FHAD1: variants seen among roughly 807,000 people sequenced by gnomAD.
FHAD1 encodes forkhead-associated domain-containing protein 1.
In FHAD1, 146 loss-of-function variants were observed where a neutral mutation model predicts 191.3. That is an observed-to-expected ratio of 0.76 (90% confidence interval 0.67 to 0.88). FHAD1 has a LOEUF of 0.88. Ranked by LOEUF, FHAD1 falls within the 40% of genes least tolerant of loss-of-function variation. FHAD1 has a pLI of 0.00. For missense variants in FHAD1, 1,635 were observed against 1,785.8 expected, an observed-to-expected ratio of 0.92 and a Z score of 1.52; for synonymous variants, 616 against 672.3, an observed-to-expected ratio of 0.92 and a Z score of 1.29.
chr1:15,241,141 G>A (rs1290473889), intron 1 of FHAD1, among the ~76,000 whole-genome samples: 3 of 152,062 alleles, frequency 2.0e-5, no homozygotes, highest in African/African-American at 7.2e-5. Flanking sequence ...GATAAATGTG[G>A]GTTGTTTTGA....
chr1:15,317,672 C>T (rs1231882887), intron 9 of FHAD1, among the ~76,000 whole-genome samples, 152 bp from the exon 10 acceptor site: 1 of 152,176 alleles, frequency 6.6e-6, no homozygotes, highest in Non-Finnish European at 1.5e-5. Flanking sequence ...TAAAACCTTC[C>T]TCCAGGAGAA....
At chr1:15,354,788 C>G (rs1324865757) in intron 20 of FHAD1, among the ~76,000 whole-genome samples, 1 of 152,106 alleles carries the variant, frequency 6.6e-6, no homozygotes, top group Non-Finnish European at 1.5e-5. Context: ...AAAAATAGAC[C>G]AACTGCTCGT....
chr1:15,271,567 C>G (rs1655997964), intron 2 of FHAD1, among the ~76,000 whole-genome samples: 1 of 152,008 alleles, frequency 6.6e-6, no homozygotes, highest in South Asian at 2.1e-4. Context: ...AGCGGGCCAT[C>G]TGTGGTTAGG....
At chr1:15,278,855 A>C (rs1306085385) in intron 3 of FHAD1, among the ~76,000 whole-genome samples, 1 of 152,226 alleles carries the variant, frequency 6.6e-6, no homozygotes, top group African/African-American at 2.4e-5. Context: ...ATATTGATAC[A>C]TCTGATAAAT....
downstream of FHAD1, among the ~76,000 whole-genome samples, chr1:15,398,928 C>G (rs1305181968): frequency 2.0e-5 from 3 of 152,002 alleles, no homozygotes; most frequent in East Asian, 5.8e-4. Flanking sequence ...TCAAGCCATT[C>G]TTCAGCCTCA....
At chr1:15,363,701 T>C (rs1480352040) in intron 23 of FHAD1, 3 of 455,244 alleles carry the variant, frequency 6.6e-6, no homozygotes, top group South Asian at 3.1e-5. Context: ...CTAAGTGACC[T>C]TAAATAAATG....
At chr1:15,330,973 G>A (rs1269111372) in intron 14 of FHAD1, among the ~76,000 whole-genome samples, 1 of 152,078 alleles carries the variant, frequency 6.6e-6, no homozygotes, top group Non-Finnish European at 1.5e-5. Flanking sequence ...GCCACCCTAG[G>A]GCAGGGTGGG....
intron 14 of FHAD1, among the ~76,000 whole-genome samples, chr1:15,336,858 A>G (rs1326923601): frequency 6.6e-6 from 1 of 152,104 alleles, no homozygotes; most frequent in African/African-American, 2.4e-5. Flanking sequence ...GAAACCCTTT[A>G]GGCGCTCTGC....
chr1:15,259,825 C>G (rs1245108529), intron 2 of FHAD1, among the ~76,000 whole-genome samples: 1 of 152,102 alleles, frequency 6.6e-6, no homozygotes, highest in African/African-American at 2.4e-5. Flanking sequence ...GCTGGAGCTG[C>G]CTCTTACAAG....
chr1:15,364,745 C>T (rs1208351271), intron 23 of FHAD1, among the ~76,000 whole-genome samples: 1 of 152,182 alleles, frequency 6.6e-6, no homozygotes, highest in Admixed American at 6.5e-5. Flanking sequence ...GGGCAAGACC[C>T]ACTCCCTGCA....
chr1:15,304,956 G>T lies in FHAD1; in HGVS notation c.915+3515G>T, dbSNP rs545141988. Among the ~76,000 whole-genome samples the T allele has an allele frequency of 2.2e-3, 337 of 151,186 alleles. 11 individuals carry two copies. The East Asian group carries it at 0.063, about 28-fold the overall frequency. Reference sequence around the variant, plus strand: ...GGGCACACCGTATCTGCATTGTCGGGGTCCCCCCCGACTCCCACCCTGTCA... The same window carrying T: ...GGGCACACCGTATCTGCATTGTCGGTGTCCCCCCCGACTCCCACCCTGTCA... On this transcript the variant is annotated intron_variant, in intron 6 of 33. Transcript: ENST00000688493.
chr1:15,241,957 G>A (rs899577350), intron 1 of FHAD1, among the ~76,000 whole-genome samples: 2 of 152,158 alleles, frequency 1.3e-5, no homozygotes, highest in African/African-American at 4.8e-5. Context: ...CAAAAAGGCC[G>A]GGTGCAGTGG....
At chr1:15,369,786 C>T (rs1454840049) in intron 26 of FHAD1, among the ~76,000 whole-genome samples, 3 of 152,148 alleles carry the variant, frequency 2.0e-5, no homozygotes, top group Admixed American at 6.5e-5. Context: ...GGTGTGGATT[C>T]GTTCCACCTG....
intron 33 of FHAD1, among the ~76,000 whole-genome samples, chr1:15,396,567 G>A (rs559495239): frequency 8.5e-5 from 13 of 152,276 alleles, no homozygotes; most frequent in African/African-American, 2.4e-4. Context: ...CTAGCACCGT[G>A]GGAGGCCAAG....
At chr1:15,287,754 A>G (rs1431780177) in intron 3 of FHAD1, among the ~76,000 whole-genome samples, 1 of 152,170 alleles carries the variant, frequency 6.6e-6, no homozygotes, top group Non-Finnish European at 1.5e-5. Context: ...AAAGAGCCTT[A>G]GGGGGAATGC....
In FHAD1 at chr1:15,383,641, C is replaced by T. The variant is rs1298140434; in HGVS notation, c.4188+1448C>T. On this transcript the variant is annotated intron_variant, in intron 31 of 33. Coordinates refer to ENST00000688493, the MANE Select transcript of FHAD1 (RefSeq NM_001391957.1). ...TCCTTCACTCTTGCCTAAGGTGGAG[C>T]AGATCCCAAGGCTGGGGTTAGGCAA... is the stretch of plus-strand genomic sequence containing the variant. 12 of 303,138 alleles carry T rather than the reference C, an allele frequency of 4.0e-5. No individual in the cohort carries two copies. In the East Asian group the frequency reaches 9.7e-4, roughly 24 times the overall value. 18.8% of individuals were successfully genotyped at this position (303,138 alleles called of 1,614,324 possible).
chr1:15,382,867 C>T (rs141835470), intron 31 of FHAD1, among the ~76,000 whole-genome samples: 549 of 152,302 alleles, frequency 3.6e-3, no homozygotes, highest in African/African-American at 0.013. Flanking sequence ...TGGACATTCC[C>T]GGCTGAAGGA....
intron 1 of FHAD1, among the ~76,000 whole-genome samples, chr1:15,249,815 C>A (rs1752010): frequency 6.6e-6 from 1 of 151,814 alleles, no homozygotes; most frequent in African/African-American, 2.4e-5. Flanking sequence ...CCATCCCCTC[C>A]CCACCCAGCA....
intron 2 of FHAD1, among the ~76,000 whole-genome samples, chr1:15,271,410 C>T (rs1033400116): frequency 3.3e-5 from 5 of 152,218 alleles, no homozygotes; most frequent in African/African-American, 4.8e-5. Flanking sequence ...AACATGCAGT[C>T]ACCTCCTTTG....
Sources: allele counts gnomAD v4.1 joint callset (sites outside exome capture counted in the v4.1 genomes callset), GRCh38; gene constraint gnomAD v4.1.1; transcripts MANE v1.5; gene names NCBI Gene and HGNC (gene_info 2026-07-23, HGNC 2026-07-21).